Variants in PRKG1 observed in about 807,000 individuals in gnomAD.
The protein encoded by PRKG1 is protein kinase cGMP-dependent 1.
PRKG1 carries 35 observed loss-of-function variants against 88.1 expected under a neutral mutation model. That is an observed-to-expected ratio of 0.40 (90% CI 0.30 to 0.53). PRKG1 has a LOEUF of 0.53. Among genes scored for constraint, PRKG1 ranks in the 20% least tolerant of loss-of-function variants. PRKG1 has a pLI of 0.59. For synonymous variants in PRKG1, 303 were observed against 292.5 expected, an observed-to-expected ratio of 1.04 and a Z score of -0.37; for missense variants, 540 against 839.8, an observed-to-expected ratio of 0.64 and a Z score of 4.41.
intron 2 of PRKG1, among the ~76,000 whole-genome samples, chr10:51,218,627 A>G (rs1259121772): frequency 1.3e-5 from 2 of 150,210 alleles, no homozygotes; most frequent in African/African-American, 2.4e-5. Flanking sequence ...GTAATTTTAA[A>G]TGCATATTAA....
chr10:51,985,974 A>T (rs2133118428), intron 5 of PRKG1, among the ~76,000 whole-genome samples: 1 of 152,322 alleles, frequency 6.6e-6, no homozygotes, highest in East Asian at 1.9e-4. Context: ...GCTTAACATT[A>T]GTTTATAGTT....
chr10:52,000,553 TAG>T (rs1338488928), intron 5 of PRKG1, among the ~76,000 whole-genome samples: 2 of 152,048 alleles, frequency 1.3e-5, no homozygotes, highest in East Asian at 3.9e-4. Context: ...TAGTTTGAGT[TAG>T]AGTTCTTTTG....
At position 51,667,639 on chromosome 10, in the gene PRKG1, C is replaced by T. The variant is rs189210265; in HGVS notation, c.593-136946C>T. Among the ~76,000 whole-genome samples, 510 of 152,204 alleles carry T rather than the reference C, an allele frequency of 3.4e-3. 1 individual carries two copies. The highest frequency in any genetic ancestry group is 5.7e-3 in the Non-Finnish European group (386 of 68,008). ...CCTACTGAGTGAGCATCGTAGAAGTCCTTCTGGGTATTAATCTTATTCATC... is the reference window on the plus strand; with the variant it reads ...CCTACTGAGTGAGCATCGTAGAAGTTCTTCTGGGTATTAATCTTATTCATC... On this transcript the variant is annotated intron_variant, in intron 3 of 17. Coordinates refer to ENST00000373980, the MANE Select transcript of PRKG1 (RefSeq NM_006258.4).
chr10:51,496,005 C>A (rs1779730348), intron 3 of PRKG1, among the ~76,000 whole-genome samples: 1 of 152,084 alleles, frequency 6.6e-6, no homozygotes, highest in Admixed American at 6.6e-5. Context: ...ATATTAAGTA[C>A]CTTAGATTTT....
At chr10:52,037,053 C>A (rs1394249375) in intron 5 of PRKG1, among the ~76,000 whole-genome samples, 1 of 152,276 alleles carries the variant, frequency 6.6e-6, no homozygotes, top group Non-Finnish European at 1.5e-5. Context: ...CCGAGAAGAT[C>A]TGGGAAGGAG....
intron 5 of PRKG1, among the ~76,000 whole-genome samples, chr10:52,048,567 C>A (rs925668335): frequency 6.6e-6 from 1 of 152,056 alleles, no homozygotes; most frequent in Non-Finnish European, 1.5e-5. Flanking sequence ...GCCTCTGTCA[C>A]GTGTCATCAA....
intron 1 of PRKG1, among the ~76,000 whole-genome samples, chr10:51,118,426 A>C (rs1845181130): frequency 6.6e-6 from 1 of 152,182 alleles, no homozygotes; most frequent in East Asian, 1.9e-4. Context: ...TTCTAAAAGT[A>C]ATGTTTGAAT....
intron 2 of PRKG1, among the ~76,000 whole-genome samples, chr10:51,209,650 C>T (rs1476716848): frequency 6.6e-6 from 1 of 152,002 alleles, no homozygotes; most frequent in Non-Finnish European, 1.5e-5. Flanking sequence ...ATTCTTGCTG[C>T]ATTTTGCCAT....
At chr10:51,245,721 C>T (rs745391242) in intron 2 of PRKG1, 1 of 151,994 alleles carries the variant, frequency 6.6e-6, no homozygotes, top group Non-Finnish European at 1.5e-5. Context: ...ATGATACAAC[C>T]TAGTAAAAAG....
intron 2 of PRKG1, among the ~76,000 whole-genome samples, chr10:51,289,998 A>G (rs750154533): frequency 1.3e-5 from 2 of 152,070 alleles, no homozygotes; most frequent in Non-Finnish European, 2.9e-5. Context: ...TGACTTAGAC[A>G]CCTTTGAAAC....
chr10:51,929,407 G>A (rs1332730153), intron 5 of PRKG1, among the ~76,000 whole-genome samples: 1 of 139,478 alleles, frequency 7.2e-6, no homozygotes, highest in Non-Finnish European at 1.5e-5. Flanking sequence ...CTGGAGTACA[G>A]TGGCACAATG....
intron 2 of PRKG1, among the ~76,000 whole-genome samples, chr10:51,321,789 C>G (rs1030492798): frequency 2.0e-5 from 3 of 152,006 alleles, no homozygotes; most frequent in Non-Finnish European, 4.4e-5. Flanking sequence ...AAAAGATAAA[C>G]GCTTGAGGTG....
intron 7 of PRKG1, among the ~76,000 whole-genome samples, chr10:52,091,839 C>T (rs1390540835): frequency 6.6e-6 from 1 of 152,210 alleles, no homozygotes; most frequent in Non-Finnish European, 1.5e-5. Context: ...CCTTAATGCA[C>T]ATTCATGGAA....
rs535653971 is a variant in PRKG1 at position 51,616,659 on chromosome 10, C to T, written c.592+148823C>T. On this transcript the variant is annotated intron_variant, in intron 3 of 17. Transcript: ENST00000373980. Reference sequence around the variant, plus strand: ...GGGTGGTTAGACTGGGTGAACTTTTCCTCAGGCCTCTGGGTGGTGTGTGCA... The same window carrying T: ...GGGTGGTTAGACTGGGTGAACTTTTTCTCAGGCCTCTGGGTGGTGTGTGCA... Among the ~76,000 whole-genome samples, 118 of 152,170 alleles carry T rather than the reference C, an allele frequency of 7.8e-4. 2 individuals carry two copies. In the South Asian group the frequency reaches 0.021, roughly 28 times the overall value.
At chr10:51,043,766 A>G (rs538585528) in intron 1 of PRKG1, among the ~76,000 whole-genome samples, 192 of 152,228 alleles carry the variant, frequency 1.3e-3, no homozygotes, top group Non-Finnish European at 2.3e-3. Context: ...CCTGATAAAT[A>G]TTTTGGTGTA....
chr10:51,350,635 T>C (rs558939190), intron 2 of PRKG1, among the ~76,000 whole-genome samples: 1 of 151,976 alleles, frequency 6.6e-6, no homozygotes, highest in Non-Finnish European at 1.5e-5. Context: ...AGAAGTCAAA[T>C]TATCCTTGTT....
chr10:50,992,861 A>G (rs767696176), intron 1 of PRKG1, among the ~76,000 whole-genome samples: 31 of 152,106 alleles, frequency 2.0e-4, no homozygotes, highest in Non-Finnish European at 4.1e-4. Context: ...AGGATATTGA[A>G]TATTCCATTA....
chr10:51,909,276 T>C (rs978947762), intron 5 of PRKG1: 1 of 152,216 alleles, frequency 6.6e-6, no homozygotes, highest in African/African-American at 2.4e-5. Context: ...GGCAGGTAGA[T>C]GGTTTCTTGT....
At chr10:51,587,245 A>C (rs569195325) in intron 3 of PRKG1, among the ~76,000 whole-genome samples, 2 of 152,290 alleles carry the variant, frequency 1.3e-5, no homozygotes, top group African/African-American at 4.8e-5. Context: ...CAATAATATT[A>C]ATAGTAGTAA....
Sources: gnomAD v4.1 joint callset for allele counts (sites outside exome capture counted in the v4.1 genomes callset) on GRCh38, gnomAD v4.1.1 for gene constraint, MANE v1.5 for transcripts, NCBI Gene and HGNC (gene_info 2026-07-23, HGNC 2026-07-21) for gene names.